SMARCA4: variants seen among roughly 807,000 people sequenced by gnomAD.
SMARCA4 encodes SWI/SNF-related matrix-associated actin-dependent regulator of chromatin subfamily A member 4.
SMARCA4 carries 31 observed loss-of-function variants against 193.9 expected under a neutral mutation model. The observed-to-expected ratio is 0.16, with a 90% CI of 0.12 to 0.22. The LOEUF is 0.22. Ranked by LOEUF, SMARCA4 falls within the 10% of genes least tolerant of loss-of-function variation. SMARCA4 has a pLI of 1.00. For missense variants in SMARCA4, 1,148 were observed against 2,296.0 expected, an observed-to-expected ratio of 0.50 and a Z score of 10.22; for synonymous variants, 942 against 933.1, an observed-to-expected ratio of 1.01 and a Z score of -0.17.
chr19:10,989,543 C>T, intron 7 of SMARCA4, 100 bp downstream of exon 7: 2 of 1,413,606 alleles, frequency 1.4e-6, no homozygotes, highest in Non-Finnish European at 2.0e-6. Context: ...ATTACACCTG[C>T]CTGGGCTGTG....
In SMARCA4 at chr19:11,060,101, C is replaced by T. The variant is rs878854232; in HGVS notation, c.4825C>T (p.Leu1609=). ...CCGGAAGGAGAAGGCACAGGACCGG[C>T]TGAAGGGCGGCCGGCGGCGGCCGAG... The part of the protein sequence containing the change: ...LGRKEKAQDR[L]KGGRRRPSRG... The change falls in exon 34 of 35, where the codon CTG becomes TTG. Residue 1609 remains leucine (L), a synonymous_variant. Transcript: ENST00000344626. 6.4e-7 allele frequency: 1 copy of T among 1,552,316 alleles called. No homozygotes were observed.
chr19:11,053,078 G>A (rs1418265213), intron 30 of SMARCA4, among the ~76,000 whole-genome samples: 1 of 152,114 alleles, frequency 6.6e-6, no homozygotes, highest in Non-Finnish European at 1.5e-5. Context: ...TGGGTTCTTG[G>A]TGGGGAGTGA....
chr19:11,041,193 A>G lies in SMARCA4; in HGVS notation c.4171-114A>G. 1 of 1,103,958 alleles carries G rather than the reference A, an allele frequency of 9.1e-7. No homozygotes were observed. The allele number at this position is 1,103,958 out of a possible 1,614,324, so 68.4% of individuals were successfully genotyped here. On this transcript the variant is annotated intron_variant, in intron 29 of 34. Transcript: ENST00000344626. This position sits in a 1 kb window ranked among gnomAD's most constrained non-coding sequence, Gnocchi z 5.6. ...CCCGAGCCAGTCAAGCTGAAGGGAGAGCGGGTGCGGGGGCCCTCCTCCGTG... is the reference window on the plus strand; with the variant it reads ...CCCGAGCCAGTCAAGCTGAAGGGAGGGCGGGTGCGGGGGCCCTCCTCCGTG...
intron 13 of SMARCA4, among the ~76,000 whole-genome samples, chr19:11,006,898 A>G (rs1370550077): frequency 1.3e-4 from 19 of 151,932 alleles, no homozygotes. Context: ...CAGCCTGGGC[A>G]ACATAGTGAG....
chr19:11,016,438 A>G (rs2089370485), intron 16 of SMARCA4, among the ~76,000 whole-genome samples: 1 of 152,224 alleles, frequency 6.6e-6, no homozygotes, highest in African/African-American at 2.4e-5. Flanking sequence ...AGAGTTGCCA[A>G]ATACATGGTT....
At position 11,034,337 on chromosome 19, in the gene SMARCA4, C is replaced by G. The variant is rs2075131125; in HGVS notation, c.3951+137C>G. On this transcript the variant is annotated intron_variant, in intron 28 of 34. Transcript: ENST00000344626. This position sits in a 1 kb window ranked among gnomAD's most constrained non-coding sequence, Gnocchi z 7.0. Reference sequence around the variant, plus strand: ...GGGACAGCTCACAGTGCAGCCCACTCCCACCTCCAGACTGACCCGTCTTCC... The same window carrying G: ...GGGACAGCTCACAGTGCAGCCCACTGCCACCTCCAGACTGACCCGTCTTCC... 5.4e-6 allele frequency: 4 copies of G among 741,022 alleles called. No individual in the cohort carries two copies. Among genetic ancestry groups the G allele is most frequent in the Non-Finnish European group, 9.6e-6 (4 of 415,684 alleles). 45.9% of individuals were successfully genotyped at this position (741,022 alleles called of 1,614,324 possible).
intron 30 of SMARCA4, among the ~76,000 whole-genome samples, chr19:11,044,132 T>C (rs2075769157): frequency 6.6e-6 from 1 of 152,034 alleles, no homozygotes; most frequent in African/African-American, 2.4e-5. Context: ...AAAGCACGGG[T>C]GTCTCCATCA....
intron 24 of SMARCA4, among the ~76,000 whole-genome samples, chr19:11,028,261 A>G (rs1017793774): frequency 6.6e-6 from 1 of 152,228 alleles, no homozygotes; most frequent in Admixed American, 6.5e-5. Context: ...TGGACACAGG[A>G]AAGAAAGCAC....
At position 11,025,521 on chromosome 19, in the gene SMARCA4, C is replaced by G; in HGVS notation, c.3168+13C>G. ...CCAGCACATCGAGGTGAGCCCGCCG[C>G]GGCTGGGACGGCTCAGGCCCTGCTG... On this transcript the variant is annotated intron_variant, in intron 22 of 34. Transcript: ENST00000344626. The G allele has an allele frequency of 6.2e-7, 1 of 1,602,446 alleles. No individual in the cohort carries two copies. Among genetic ancestry groups the G allele is most frequent in the East Asian group, 2.2e-5 (1 of 44,818 alleles).
Position 11,019,194 on chromosome 19 carries a change from T to C in SMARCA4, c.2505+171T>C. The C allele has an allele frequency of 1.4e-6, 1 of 700,218 alleles. No individual in the cohort carries two copies. The highest frequency in any genetic ancestry group is 2.6e-6 in the Non-Finnish European group (1 of 384,350). The allele number at this position is 700,218 out of a possible 1,614,324, so 43.4% of individuals were successfully genotyped here. A position where few individuals can be genotyped will look rare whatever the true frequency, so the allele number is the denominator to read the frequency against. Reference sequence around the variant, plus strand: ...GTCACATGGATCCGGGAGTTTGGACTGGGCAGGGACAGGGCAGATTAGCTC... The same window carrying C: ...GTCACATGGATCCGGGAGTTTGGACCGGGCAGGGACAGGGCAGATTAGCTC... On this transcript the variant is annotated intron_variant, in intron 17 of 34. Coordinates refer to ENST00000344626, the MANE Select transcript of SMARCA4 (RefSeq NM_003072.5). This position sits in a 1 kb window ranked among gnomAD's most constrained non-coding sequence, Gnocchi z 6.1.
At chr19:11,045,912 T>A (rs2075878185) in intron 30 of SMARCA4, among the ~76,000 whole-genome samples, 1 of 151,876 alleles carries the variant, frequency 6.6e-6, no homozygotes, top group Admixed American at 6.6e-5. Context: ...TGAGACTCTG[T>A]CTCTATTTAA....
Position 10,987,965 on chromosome 19 carries a change from C to T in SMARCA4, c.1118+41C>T. On this transcript the variant is annotated intron_variant, in intron 6 of 34. Transcript: ENST00000344626. The surrounding 1 kb of genome is among the most constrained non-coding windows in gnomAD (Gnocchi z 5.3). ...AGTTGCCAAGGTCACTGCCCTGTGT[C>T]CCCCATGTCCCCCTGGGGAAGCCAC... The T allele has an allele frequency of 6.2e-7, 1 of 1,603,480 alleles. No homozygotes were observed. Among genetic ancestry groups the T allele is most frequent in the Admixed American group, 1.7e-5 (1 of 59,666 alleles).
At chr19:10,964,093 T>C (rs997392606) in intron 1 of SMARCA4, among the ~76,000 whole-genome samples, 3 of 152,124 alleles carry the variant, frequency 2.0e-5, no homozygotes, top group East Asian at 1.9e-4. Context: ...AATTGTGATA[T>C]AGGGCAGTGC....
rs2145845562 is a variant in SMARCA4 at position 10,989,298 on chromosome 19, T to C, written c.1119-19T>C. The C allele has an allele frequency of 6.2e-7, 1 of 1,613,732 alleles. No individual in the cohort carries two copies. Among genetic ancestry groups the C allele is most frequent in the Non-Finnish European group, 8.5e-7 (1 of 1,179,838 alleles). The stretch of plus-strand genomic sequence containing the variant: ...CTGGCAACCCTCTCACCGCCTTTGC[T>C]CCTTGTCTCTGCTCCCAGGCTGCAG... On this transcript the variant is annotated intron_variant, in intron 6 of 34. Coordinates refer to ENST00000344626, the MANE Select transcript of SMARCA4 (RefSeq NM_003072.5).
intron 1 of SMARCA4, among the ~76,000 whole-genome samples, chr19:10,981,301 G>T (rs1273635774): frequency 5.3e-5 from 8 of 152,236 alleles, no homozygotes; most frequent in Non-Finnish European, 5.9e-5. Flanking sequence ...GGAGGTAGCT[G>T]CAGGCGCATC....
At chr19:11,021,616 C>T (rs2089879307) in intron 18 of SMARCA4, 109 bp from the exon 19 acceptor site, 6 of 1,389,058 alleles carry the variant, frequency 4.3e-6, no homozygotes, top group Admixed American at 2.0e-5. Flanking sequence ...CCCAGCTGCG[C>T]TCTTCCACCT....
chr19:10,969,477 C>T (rs2084505782), intron 1 of SMARCA4, among the ~76,000 whole-genome samples: 1 of 151,716 alleles, frequency 6.6e-6, no homozygotes, highest in Non-Finnish European at 1.5e-5. Flanking sequence ...GTTGCCCAGG[C>T]TGGAGTGCAA....
rs750494195 is a variant in SMARCA4, at chr19:11,034,131, C to T, written c.3882C>T (p.Asp1294=). ...DLEEPPLKEE[D]EVPDDETVNQ... ...AGTTTGCAATCTTATAGGAGGAAGA[C>T]GAGGTGCCCGACGACGAGACCGTCA... The change falls in exon 28 of 35, where the codon GAC becomes GAT. Residue 1294 remains aspartate, a synonymous_variant. Transcript: ENST00000344626. This position sits in a 1 kb window ranked among gnomAD's most constrained non-coding sequence, Gnocchi z 7.0. 9 of 1,613,198 alleles carry T rather than the reference C, an allele frequency of 5.6e-6. No homozygotes were observed. The East Asian group carries it at 8.9e-5, about 16-fold the overall frequency.
intron 30 of SMARCA4, among the ~76,000 whole-genome samples, chr19:11,048,746 T>G (rs944162183): frequency 1.3e-5 from 2 of 152,212 alleles, no homozygotes; most frequent in African/African-American, 4.8e-5. Context: ...CAAATATTGC[T>G]TTTGATCGTT....
Sources: allele counts gnomAD v4.1 joint callset (sites outside exome capture counted in the v4.1 genomes callset), GRCh38; gene constraint gnomAD v4.1.1; non-coding constraint Gnocchi (gnomAD v3.1); transcripts MANE v1.5; gene names NCBI Gene and HGNC (gene_info 2026-07-23, HGNC 2026-07-21).